The following DOP1B variants were observed in gnomAD, a reference collection of about 807,000 sequenced individuals.
DOP1B encodes protein DOP1B.
A neutral mutation model predicts 233.5 loss-of-function variants in DOP1B; 174 were observed. That is an observed-to-expected ratio of 0.75 (90% confidence interval 0.66 to 0.85). The LOEUF (loss-of-function observed/expected upper bound fraction) is 0.85. DOP1B is among the 40% of genes least tolerant of loss of function. The probability of loss-of-function intolerance (pLI) is 0.00; values close to 1 mark genes in which losing one functional copy is unlikely to be tolerated. For synonymous variants in DOP1B, 1,190 were observed against 1,185.6 expected (o/e 1.00, Z -0.08); for missense variants, 2,652 against 2,846.6 (o/e 0.93, Z 1.56).
chr21:36,274,460 T>G (rs2146239423), intron 27 of DOP1B, among the ~76,000 whole-genome samples: 1 of 152,248 alleles, frequency 6.6e-6, no homozygotes, highest in Admixed American at 6.6e-5. Flanking sequence ...AAAATTGAGC[T>G]TGATTTTGCA....
intron 32 of DOP1B, among the ~76,000 whole-genome samples, chr21:36,283,247 AT>A (rs2067439223): frequency 6.6e-6 from 1 of 151,818 alleles, no homozygotes. Flanking sequence ...TGTCCGGCTA[AT>A]TTTTGAATTT....
intron 2 of DOP1B, among the ~76,000 whole-genome samples, chr21:36,175,447 G>T (rs537979519): frequency 4.1e-4 from 62 of 152,242 alleles, no homozygotes; most frequent in African/African-American, 1.5e-3. Context: ...CAGTCAGACT[G>T]CATTAGGGCT....
intron 2 of DOP1B, among the ~76,000 whole-genome samples, chr21:36,192,871 A>G (rs1163182792): frequency 6.7e-6 from 1 of 150,192 alleles, no homozygotes; most frequent in Non-Finnish European, 1.5e-5. Context: ...GTATTTTTTT[A>G]GTGGAGATGG....
chr21:36,277,003 G>A lies in DOP1B; in HGVS notation c.5633-18G>A. ...CATCCATCATAGTTAACATACAAAT[G>A]GCTCTTTCTGTTCACAGATGCTGCT... On this transcript the variant is annotated intron_variant, in intron 27 of 36. Coordinates refer to ENST00000691173, the MANE Select transcript of DOP1B (RefSeq NM_001320714.2). 1 of 1,613,588 alleles carries A rather than the reference G, an allele frequency of 6.2e-7. No homozygotes were observed. Among genetic ancestry groups the A allele is most frequent in the Non-Finnish European group, 8.5e-7 (1 of 1,179,750 alleles).
At chr21:36,176,087 G>GGTGTGTGT (rs1032491278) in intron 2 of DOP1B, among the ~76,000 whole-genome samples, 55 of 96,592 alleles carry the variant, frequency 5.7e-4, no homozygotes, top group African/African-American at 1.9e-3. Flanking sequence ...TCGACTTTGG[G>GGTGTGTGT]GTGTGTGTGC....
chr21:36,292,385 T>C (rs2067570449), intron 36 of DOP1B, 152 bp downstream of exon 36: 6 of 622,650 alleles, frequency 9.6e-6, no homozygotes, highest in Admixed American at 6.8e-5. Context: ...GCTTCCGGAG[T>C]AGCTGGGATT....
chr21:36,166,630 T>G (rs1448528348), intron 2 of DOP1B, among the ~76,000 whole-genome samples: 1 of 152,192 alleles, frequency 6.6e-6, no homozygotes, highest in African/African-American at 2.4e-5. Context: ...TATCTGGGCT[T>G]AGATAAGCTG....
At chr21:36,286,994 T>G (rs1055712174) in intron 32 of DOP1B, among the ~76,000 whole-genome samples, 1 of 151,992 alleles carries the variant, frequency 6.6e-6, no homozygotes, top group African/African-American at 2.4e-5. Flanking sequence ...ACTAATATAC[T>G]AATGTACTAA....
chr21:36,227,540 C>G (rs1487161139), intron 12 of DOP1B, 146 bp from the exon 13 acceptor site: 5 of 728,922 alleles, frequency 6.9e-6, no homozygotes, highest in African/African-American at 2.1e-5. Flanking sequence ...GAGCAAGACT[C>G]TGTCAAAAAA....
chr21:36,280,800 G>A (rs2067406632), intron 31 of DOP1B, among the ~76,000 whole-genome samples: 1 of 151,590 alleles, frequency 6.6e-6, no homozygotes, highest in Non-Finnish European at 1.5e-5. Context: ...TCAGGAGATC[G>A]AGACCATCCT....
intron 3 of DOP1B, among the ~76,000 whole-genome samples, chr21:36,200,094 AC>A (rs2066343497): frequency 6.6e-6 from 1 of 152,070 alleles, no homozygotes; most frequent in African/African-American, 2.4e-5. Context: ...CCTCTCCAGC[AC>A]CCCATTTTGA....
chr21:36,228,639 G>A (rs891661299), intron 13 of DOP1B, among the ~76,000 whole-genome samples: 3 of 151,616 alleles, frequency 2.0e-5, no homozygotes, highest in Non-Finnish European at 4.4e-5. Flanking sequence ...AGTGGCGGGC[G>A]CCTGTAGTCC....
chr21:36,233,118 C>T (rs529300760), intron 15 of DOP1B, 43 bp downstream of exon 15: 1 of 1,591,640 alleles, frequency 6.3e-7, no homozygotes, highest in Admixed American at 1.8e-5. Flanking sequence ...CTCCTTCTCC[C>T]CCTGAGCAAA....
Position 36,263,811 on chromosome 21 carries a change from G to T in DOP1B, c.5484G>T (p.Leu1828=). The stretch of plus-strand genomic sequence containing the variant: ...AAAACAAGAAGGACCAAAAAGACCT[G>T]CAGGTTTGTATATGAAAGAGGTTCA... ...NLENKKDQKD[L]QEITQKILEA... is the part of the protein sequence containing the mutation. The change falls in exon 26 of 37, where the codon CTG becomes CTT. Residue 1828 remains leucine (L), a synonymous_variant. Transcript: ENST00000691173. The T allele has an allele frequency of 5.0e-6, 8 of 1,614,216 alleles. 1 individual carries two copies. The highest frequency in any genetic ancestry group is 6.8e-6 in the Non-Finnish European group (8 of 1,180,040).
rs943283815 is a variant in DOP1B, at chr21:36,246,398, A to G, written c.4418A>G (p.Gln1473Arg). 1 of 1,613,426 alleles carries G rather than the reference A, an allele frequency of 6.2e-7. No individual in the cohort carries two copies. The highest frequency in any genetic ancestry group is 8.5e-7 in the Non-Finnish European group (1 of 1,179,796). The change falls in exon 19 of 37, where the codon CAG (glutamine) becomes CGG (arginine). Residue 1473 changes from glutamine to arginine, a missense_variant. This residue lies in a region of DOP1B where 2,617 missense variants were observed against 2,794.3 expected (regional missense o/e 0.94). Transcript: ENST00000691173. This position sits in a 1 kb window ranked among gnomAD's most constrained non-coding sequence, Gnocchi z 5.1. ...CAGCCCGACCTGTCCCGGGAGTGGC[A>G]GAGAGCCCTGAACTTCCAGCAGGCC... ...ENQPDLSREW[Q>R]RALNFQQAIS...
chr21:36,179,192 A>G (rs1006917064), intron 2 of DOP1B, among the ~76,000 whole-genome samples: 1 of 152,154 alleles, frequency 6.6e-6, no homozygotes, highest in Non-Finnish European at 1.5e-5. Flanking sequence ...GGATATATAC[A>G]ATTTCTTTAT....
intron 24 of DOP1B, chr21:36,261,258 G>A (rs1161227733): frequency 8.7e-6 from 8 of 916,138 alleles, no homozygotes; most frequent in South Asian, 5.0e-5. Context: ...CCAGCTACTC[G>A]GGAGGCTGAG....
Position 36,245,339 on chromosome 21 carries a change from C to T in DOP1B, c.3359C>T (p.Thr1120Met), listed in dbSNP as rs181800611. ...TCTGCAGATACAAGCTCCTGCCACA[C>T]GGACAGCGAGAACACGTCCTCCTTC... ...TESADTSSCH[T>M]DSENTSSFSS... The change falls in exon 19 of 37, where the codon ACG becomes ATG. Residue 1120 changes from threonine (T) to methionine (M), a missense_variant. By Grantham distance (81) the Thr-to-Met change is moderately conservative. Transcript: ENST00000691173. This position sits in a 1 kb window ranked among gnomAD's most constrained non-coding sequence, Gnocchi z 5.5. The T allele has an allele frequency of 1.2e-4, 193 of 1,614,110 alleles. No homozygotes were observed. The Admixed American group carries it at 2.7e-3, about 23-fold the overall frequency.
rs114747501 is a variant in DOP1B, at chr21:36,277,165, C to T, written c.5712+65C>T. On this transcript the variant is annotated intron_variant, in intron 28 of 36. Transcript: ENST00000691173. ...GCGCCATCACGAATTGTTGCAAAGA[C>T]ATTTGTTCATTCCCAGGTGCCAGTG... 5,237 of 1,543,598 alleles carry T rather than the reference C, an allele frequency of 3.4e-3. 155 individuals are homozygous for T. The African/African-American group carries it at 0.063, about 19-fold the overall frequency.
Sources: gnomAD v4.1 joint callset for allele counts (sites outside exome capture counted in the v4.1 genomes callset) on GRCh38, gnomAD v4.1.1 for gene constraint, gnomAD v4.1.1 regional missense constraint, Gnocchi (gnomAD v3.1) non-coding constraint, MANE v1.5 for transcripts, NCBI Gene and HGNC (gene_info 2026-07-23, HGNC 2026-07-21) for gene names.